Variants in KCNQ5 observed in about 807,000 individuals in gnomAD.
KCNQ5 encodes potassium voltage-gated channel subfamily KQT member 5.
KCNQ5 carries 30 observed loss-of-function variants against 98.2 expected under a neutral mutation model. The observed-to-expected ratio is 0.31, with a 90% CI of 0.23 to 0.41. The LOEUF is 0.41. Ranked by LOEUF, KCNQ5 falls within the 10% of genes least tolerant of loss-of-function variation. The pLI is 1.00. For synonymous variants in KCNQ5, 458 were observed against 449.4 expected, an observed-to-expected ratio of 1.02 and a Z score of -0.24; for missense variants, 835 against 1,182.5, an observed-to-expected ratio of 0.71 and a Z score of 4.31.
chr6:73,150,359 T>C (rs1454252964), intron 10 of KCNQ5, among the ~76,000 whole-genome samples: 1 of 151,166 alleles, frequency 6.6e-6, no homozygotes, highest in Admixed American at 6.6e-5. Context: ...AATTGTTATG[T>C]TCCCATAAAT....
At chr6:72,957,316 G>A (rs185686993) in intron 1 of KCNQ5, among the ~76,000 whole-genome samples, 23 of 151,662 alleles carry the variant, frequency 1.5e-4, no homozygotes, top group East Asian at 1.9e-4. Flanking sequence ...GATTACAGGC[G>A]CGCACCACCA....
chr6:72,685,108 CTA>C (rs965491570), intron 1 of KCNQ5, among the ~76,000 whole-genome samples: 8 of 152,130 alleles, frequency 5.3e-5, no homozygotes, highest in Admixed American at 2.6e-4. Flanking sequence ...GGGTGTAGGG[CTA>C]TGTGTTGTGC....
chr6:72,784,599 C>A (rs1430186252), intron 1 of KCNQ5, among the ~76,000 whole-genome samples: 1 of 152,158 alleles, frequency 6.6e-6, no homozygotes, highest in African/African-American at 2.4e-5. Flanking sequence ...GACTGGGGCT[C>A]TGTCTGGCCT....
At chr6:73,099,642 T>G (rs188772831) in intron 5 of KCNQ5, among the ~76,000 whole-genome samples, 5 of 152,176 alleles carry the variant, frequency 3.3e-5, no homozygotes, top group African/African-American at 9.6e-5. Context: ...CAACTATAAA[T>G]ATATATGCAC....
chr6:72,948,327 T>C (rs1345341776), intron 1 of KCNQ5, among the ~76,000 whole-genome samples: 1 of 152,024 alleles, frequency 6.6e-6, no homozygotes, highest in Admixed American at 6.6e-5. Flanking sequence ...GTCGTTACCA[T>C]ACTTCACAGT....
rs1467715113 is a variant in KCNQ5 at position 72,622,819 on chromosome 6, C to G, written c.398+232C>G. Among the ~76,000 whole-genome samples, 3 of 152,160 alleles carry G rather than the reference C, an allele frequency of 2.0e-5. No individual in the cohort carries two copies. The highest frequency in any genetic ancestry group is 1.9e-4 in the East Asian group (1 of 5,164). On this transcript the variant is annotated intron_variant, in intron 1 of 13. Transcript: ENST00000370398. This position sits in a 1 kb window ranked among gnomAD's most constrained non-coding sequence, Gnocchi z 6.0. ...CCCCGAGGACACCCAATGAACTGCCCGGTAGCTTCAGGCTCCCGGGGCGAG... is the reference window on the plus strand; with the variant it reads ...CCCCGAGGACACCCAATGAACTGCCGGGTAGCTTCAGGCTCCCGGGGCGAG...
chr6:72,831,281 T>A (rs1431201216), intron 1 of KCNQ5, among the ~76,000 whole-genome samples: 7 of 152,276 alleles, frequency 4.6e-5, no homozygotes. Context: ...CATGCACACA[T>A]ATGTTTATTG....
Position 73,195,390 on chromosome 6 carries a change from C to T in KCNQ5, c.2775C>T (p.Ser925=), listed in dbSNP as rs1582521714. 1.2e-6 allele frequency: 2 copies of T among 1,613,290 alleles called. No homozygotes were observed. Among genetic ancestry groups the T allele is most frequent in the South Asian group, 2.2e-5 (2 of 91,086 alleles). Residue 925 remains serine (S), a synonymous_variant, in exon 14 of 14, where the codon AGC becomes AGT. Coordinates refer to ENST00000370398, the MANE Select transcript of KCNQ5 (RefSeq NM_019842.4). ...CKAGESTDAL[S]LPHVKLK is the part of the protein sequence containing the mutation. The stretch of plus-strand genomic sequence containing the variant: ...CAGGAGAAAGTACAGATGCCCTCAG[C>T]TTGCCTCATGTCAAACTGAAATAAG...
intron 1 of KCNQ5, among the ~76,000 whole-genome samples, chr6:72,741,359 C>G (rs1272879677): frequency 6.6e-6 from 1 of 152,146 alleles, no homozygotes; most frequent in Non-Finnish European, 1.5e-5. Flanking sequence ...TTTCTGTCAC[C>G]TTTGGGAGCC....
At chr6:72,744,194 G>A (rs902286859) in intron 1 of KCNQ5, among the ~76,000 whole-genome samples, 18 of 152,180 alleles carry the variant, frequency 1.2e-4, no homozygotes, top group Admixed American at 2.0e-4. Context: ...CATTTCTATC[G>A]TGAGCCTAGA....
chr6:72,671,159 G>A (rs1365033622), intron 1 of KCNQ5, among the ~76,000 whole-genome samples: 2 of 152,144 alleles, frequency 1.3e-5, no homozygotes, highest in African/African-American at 2.4e-5. Context: ...GTTCTCTCAG[G>A]CCTTCTCCCT....
chr6:73,114,929 A>G (rs1775425976), intron 7 of KCNQ5, among the ~76,000 whole-genome samples: 1 of 152,100 alleles, frequency 6.6e-6, no homozygotes, highest in African/African-American at 2.4e-5. Flanking sequence ...TCTCCACCCA[A>G]TTACCCTAAA....
chr6:72,891,808 C>T (rs181730438), intron 1 of KCNQ5, among the ~76,000 whole-genome samples: 1 of 152,170 alleles, frequency 6.6e-6, no homozygotes, highest in Admixed American at 6.5e-5. Flanking sequence ...TTCTAGAATC[C>T]CCTATCATCC....
At chr6:72,652,099 C>A (rs1441793866) in intron 1 of KCNQ5, among the ~76,000 whole-genome samples, 1 of 151,838 alleles carries the variant, frequency 6.6e-6, no homozygotes, top group East Asian at 1.9e-4. Flanking sequence ...AAATTTTTAT[C>A]TTTCATGGGA....
intron 3 of KCNQ5, among the ~76,000 whole-genome samples, chr6:73,070,806 C>A (rs1171834642): frequency 6.6e-6 from 1 of 152,122 alleles, no homozygotes; most frequent in African/African-American, 2.4e-5. Flanking sequence ...GGAAATGAGA[C>A]CTCTAGATGG....
intron 1 of KCNQ5, among the ~76,000 whole-genome samples, chr6:72,977,372 T>A (rs1768205275): frequency 6.6e-6 from 1 of 152,162 alleles, no homozygotes; most frequent in Non-Finnish European, 1.5e-5. Context: ...AGCATGATAT[T>A]GTGCAGGAAA....
At chr6:72,924,898 A>G (rs138301058) in intron 1 of KCNQ5, among the ~76,000 whole-genome samples, 2 of 152,290 alleles carry the variant, frequency 1.3e-5, no homozygotes, top group Non-Finnish European at 2.9e-5. Context: ...TCCCTAAAAA[A>G]ATTATTCATA....
intron 3 of KCNQ5, among the ~76,000 whole-genome samples, chr6:73,050,976 C>G (rs554606267): frequency 2.6e-5 from 4 of 152,202 alleles, no homozygotes; most frequent in Admixed American, 2.0e-4. Flanking sequence ...TATTCATTTA[C>G]CTAATCAAGG....
chr6:72,890,769 A>G (rs551336691), intron 1 of KCNQ5, among the ~76,000 whole-genome samples: 23 of 152,382 alleles, frequency 1.5e-4, no homozygotes, highest in African/African-American at 4.1e-4. Context: ...AAAGCCCCAC[A>G]TCACATAAGC....
Sources: gnomAD v4.1 joint callset for allele counts (sites outside exome capture counted in the v4.1 genomes callset) on GRCh38, gnomAD v4.1.1 for gene constraint, Gnocchi (gnomAD v3.1) non-coding constraint, MANE v1.5 for transcripts, NCBI Gene and HGNC (gene_info 2026-07-23, HGNC 2026-07-21) for gene names.